The following KCNH7 variants were observed in gnomAD, a reference collection of about 807,000 sequenced individuals.
KCNH7 encodes the protein potassium voltage-gated channel subfamily H member 7, also known as voltage-gated inwardly rectifying potassium channel KCNH7.
A neutral mutation model predicts 120.8 loss-of-function variants in KCNH7; 49 were observed. That is an observed-to-expected ratio of 0.41 (90% confidence interval 0.32 to 0.51). The LOEUF (loss-of-function observed/expected upper bound fraction) is 0.51. Ranked by LOEUF, KCNH7 falls within the 20% of genes least tolerant of loss-of-function variation. The pLI is 0.38. For missense variants in KCNH7, 1,097 were observed against 1,446.6 expected, an observed-to-expected ratio of 0.76 and a Z score of 3.92; for synonymous variants, 547 against 516.1, an observed-to-expected ratio of 1.06 and a Z score of -0.81.
chr2:162,412,969 A>G (rs371952204), intron 9 of KCNH7, among the ~76,000 whole-genome samples: 16 of 152,168 alleles, frequency 1.1e-4, no homozygotes, highest in African/African-American at 3.9e-4. Context: ...TCAAAAGCCT[A>G]ACATGAAGTA....
At chr2:162,400,058 G>T in intron 10 of KCNH7, 131 bp downstream of exon 10, 1 of 984,050 alleles carries the variant, frequency 1.0e-6, no homozygotes. Context: ...TTTAAATGCA[G>T]CTTTCAAATT....
In KCNH7 at chr2:162,504,544, T is replaced by G; in HGVS notation, c.1027A>C (p.Lys343Gln). 1 of 1,612,940 alleles carries G rather than the reference T, an allele frequency of 6.2e-7. No individual in the cohort carries two copies. Among genetic ancestry groups the G allele is most frequent in the Non-Finnish European group, 8.5e-7 (1 of 1,179,158 alleles). ...PQLTLNFSEV[K>Q]TEKKNSSPPS... is the part of the protein sequence containing the mutation. The stretch of plus-strand genomic sequence containing the variant: ...GGTGATGAATTCTTTTTCTCAGTTT[T>G]GACCTCTGAAAAATTCAGAGTGAGC... The change falls in exon 6 of 16, where the codon AAA (lysine) becomes CAA (glutamine). Residue 343 changes from lysine (K) to glutamine (Q), a missense_variant. Lys to Gln is a moderately conservative substitution (Grantham distance 53). Transcript: ENST00000332142.
intron 2 of KCNH7, among the ~76,000 whole-genome samples, chr2:162,782,076 C>G (rs1214404499): frequency 6.6e-6 from 1 of 152,156 alleles, no homozygotes. Context: ...ATAAATAGAT[C>G]AAATGATTTT....
At chr2:162,783,821 G>A (rs1177404800) in intron 2 of KCNH7, among the ~76,000 whole-genome samples, 1 of 152,034 alleles carries the variant, frequency 6.6e-6, no homozygotes, top group Admixed American at 6.6e-5. Context: ...TAATACCTGA[G>A]CTTCGAACAT....
intron 2 of KCNH7, among the ~76,000 whole-genome samples, chr2:162,552,165 T>C (rs765661111): frequency 1.3e-5 from 2 of 152,186 alleles, no homozygotes; most frequent in Non-Finnish European, 2.9e-5. Flanking sequence ...AATTTTACAG[T>C]GGAAACAGAC....
intron 2 of KCNH7, among the ~76,000 whole-genome samples, chr2:162,701,859 T>C (rs1198471232): frequency 6.6e-6 from 1 of 151,866 alleles, no homozygotes; most frequent in Non-Finnish European, 1.5e-5. Flanking sequence ...ATACAAAAAT[T>C]AGCAGGGCAT....
chr2:162,496,118 C>T (rs1369009420), intron 6 of KCNH7, among the ~76,000 whole-genome samples: 7 of 152,096 alleles, frequency 4.6e-5, no homozygotes, highest in African/African-American at 1.7e-4. Flanking sequence ...TTAAACAGAC[C>T]TCAGGAGGAG....
At chr2:162,471,168 G>A (rs1186684151) in intron 6 of KCNH7, among the ~76,000 whole-genome samples, 2 of 151,146 alleles carry the variant, frequency 1.3e-5, no homozygotes, top group African/African-American at 2.4e-5. Context: ...TTGTTTATCT[G>A]CTGACCTTCC....
At chr2:162,461,399 A>G (rs906717899) in intron 6 of KCNH7, among the ~76,000 whole-genome samples, 2 of 152,236 alleles carry the variant, frequency 1.3e-5, no homozygotes, top group South Asian at 2.1e-4. Context: ...ACAAATGTAT[A>G]TAGTTCCACA....
intron 2 of KCNH7, 65 bp from the exon 3 acceptor site, chr2:162,537,145 T>A: frequency 7.8e-7 from 1 of 1,283,434 alleles, no homozygotes; most frequent in Non-Finnish European, 1.1e-6. Context: ...CAAGTAACAT[T>A]AAAATTGAAA....
At chr2:162,583,109 C>A (rs1006528261) in intron 2 of KCNH7, among the ~76,000 whole-genome samples, 4 of 151,978 alleles carry the variant, frequency 2.6e-5, no homozygotes, top group Non-Finnish European at 5.9e-5. Flanking sequence ...GCTTTAAAAA[C>A]CCCCCACTAT....
rs757671540 is a variant in KCNH7, at chr2:162,379,899, C to G, written c.3085G>C (p.Gly1029Arg). The G allele has an allele frequency of 4.3e-6, 7 of 1,613,958 alleles. No homozygotes were observed. The South Asian group carries it at 4.4e-5, about 10-fold the overall frequency. The change falls in exon 14 of 16, where the codon GGG becomes CGG. Residue 1029 changes from glycine to arginine, a missense_variant. By Grantham distance (125) the Gly-to-Arg change is moderately radical (BLOSUM62 -2). This residue lies in a region of KCNH7 where 406 missense variants were observed against 410.5 expected (regional missense o/e 0.99). Transcript: ENST00000332142. Reference protein sequence around the residue: ...ISETESDLTYGEVEQRLDLLQ... With the variant: ...ISETESDLTYREVEQRLDLLQ... ...AGATCTAATCTTTGTTCCACTTCCC[C>G]GTAGGTGAGGTCGCTTTCGGTTTCA... is the stretch of plus-strand genomic sequence containing the variant.
In KCNH7 at chr2:162,674,248, A is replaced by C. The variant is rs541608701; in HGVS notation, c.308-137168T>G. Among the ~76,000 whole-genome samples the C allele has an allele frequency of 7.9e-4, 120 of 151,942 alleles. 1 individual carries two copies. The highest frequency in any genetic ancestry group is 3.5e-3 in the Middle Eastern group (1 of 288). On this transcript the variant is annotated intron_variant, in intron 2 of 15. Coordinates refer to ENST00000332142, the MANE Select transcript of KCNH7 (RefSeq NM_033272.4). ...AAAAGTGTTAGAGAATGAAGCAAAA[A>C]TGATAGTAGCAGAATTATTGAGTAA...
rs1010697611 is a variant in KCNH7, at chr2:162,638,953, A to C, written c.308-101873T>G. ...GTTTGCCAAACTTGGCACTATTATC[A>C]TTTGAACCTTACTCATAATTCTTTG... On this transcript the variant is annotated intron_variant, in intron 2 of 15. Coordinates refer to ENST00000332142, the MANE Select transcript of KCNH7 (RefSeq NM_033272.4). Among the ~76,000 whole-genome samples, 3 of 152,218 alleles carry C rather than the reference A, an allele frequency of 2.0e-5. No individual in the cohort carries two copies. In the East Asian group the frequency reaches 5.8e-4, roughly 29 times the overall value.
chr2:162,642,086 T>C (rs1684176915), intron 2 of KCNH7, among the ~76,000 whole-genome samples: 1 of 152,132 alleles, frequency 6.6e-6, no homozygotes, highest in Non-Finnish European at 1.5e-5. Context: ...TAAATTCCAA[T>C]AGATAAGTAT....
intron 9 of KCNH7, among the ~76,000 whole-genome samples, chr2:162,420,466 G>A (rs1687667734): frequency 6.6e-6 from 1 of 152,058 alleles, no homozygotes; most frequent in African/African-American, 2.4e-5. Flanking sequence ...ATTTCCTTTT[G>A]TACTCTGAAC....
At chr2:162,593,131 C>G (rs1464849253) in intron 2 of KCNH7, among the ~76,000 whole-genome samples, 4 of 152,038 alleles carry the variant, frequency 2.6e-5, no homozygotes, top group African/African-American at 9.7e-5. Context: ...TTTGGCAACT[C>G]TTTCAAAATA....
chr2:162,590,393 C>CA (rs1459831017), intron 2 of KCNH7, among the ~76,000 whole-genome samples: 9 of 151,900 alleles, frequency 5.9e-5, no homozygotes, highest in African/African-American at 2.2e-4. Flanking sequence ...CAATTGGAGA[C>CA]AAAAACAGAA....
At chr2:162,792,519 T>C (rs1327179379) in intron 2 of KCNH7, among the ~76,000 whole-genome samples, 1 of 152,016 alleles carries the variant, frequency 6.6e-6, no homozygotes, top group Non-Finnish European at 1.5e-5. Context: ...AGAGTGTATG[T>C]GTGTCCAGGA....
Sources: gnomAD v4.1 joint callset for allele counts (sites outside exome capture counted in the v4.1 genomes callset) on GRCh38, gnomAD v4.1.1 for gene constraint, gnomAD v4.1.1 regional missense constraint, MANE v1.5 for transcripts, NCBI Gene and HGNC (gene_info 2026-07-23, HGNC 2026-07-21) for gene names.